The following DPYD variants were observed in gnomAD, a reference collection of about 807,000 sequenced individuals.
DPYD encodes dihydropyrimidine dehydrogenase [NADP(+)].
DPYD carries 109 observed loss-of-function variants against 116.2 expected under a neutral mutation model. The observed-to-expected ratio is 0.94, with a 90% CI of 0.80 to 1.10. The LOEUF (loss-of-function observed/expected upper bound fraction) is 1.10. DPYD is among the 50% of genes least tolerant of loss of function. The pLI is 0.00. For synonymous variants in DPYD, 440 were observed against 432.0 expected, an observed-to-expected ratio of 1.02 and a Z score of -0.23; for missense variants, 1,302 against 1,254.5, an observed-to-expected ratio of 1.04 and a Z score of -0.57.
chr1:97,117,948 T>C (rs1399094222), intron 20 of DPYD, among the ~76,000 whole-genome samples: 3 of 152,150 alleles, frequency 2.0e-5, no homozygotes, highest in African/African-American at 7.2e-5. Context: ...ATTACTCCTC[T>C]CTCTAGATTT....
At chr1:97,449,003 T>A (rs975743265) in intron 14 of DPYD, among the ~76,000 whole-genome samples, 5 of 152,128 alleles carry the variant, frequency 3.3e-5, no homozygotes, top group African/African-American at 1.2e-4. Context: ...GCATGTATTT[T>A]ATTTCAAAAT....
intron 16 of DPYD, among the ~76,000 whole-genome samples, chr1:97,326,780 A>G (rs368204906): frequency 6.6e-6 from 1 of 152,058 alleles, no homozygotes; most frequent in African/African-American, 2.4e-5. Context: ...ATATTTGCAA[A>G]CATATAGTCA....
In DPYD at chr1:97,388,787, T is replaced by C. The variant is rs556630267; in HGVS notation, c.1906-6326A>G. 4.6e-5 allele frequency among the ~76,000 whole-genome samples: 7 copies of C among 152,178 alleles called. No homozygotes were observed. In the South Asian group the frequency reaches 1.0e-3, roughly 23 times the overall value. ...CTGTACAAGATCACGGGAGGACTAA[T>C]GATGTTTTCTTAATGGACTATATTT... On this transcript the variant is annotated intron_variant, in intron 14 of 22. Transcript: ENST00000370192.
In DPYD at chr1:97,842,805, A is replaced by G. The variant is rs532620171; in HGVS notation, c.151-14609T>C. Among the ~76,000 whole-genome samples, 3 of 152,182 alleles carry G rather than the reference A, an allele frequency of 2.0e-5. No homozygotes were observed. In the South Asian group the frequency reaches 6.2e-4, roughly 32 times the overall value. Reference sequence around the variant, plus strand: ...ATAAAGTTATGAAGAGAAAATCTATATTGTTTAAAAGATCTCTAAAAAACA... The same window carrying G: ...ATAAAGTTATGAAGAGAAAATCTATGTTGTTTAAAAGATCTCTAAAAAACA... On this transcript the variant is annotated intron_variant, in intron 2 of 22. Transcript: ENST00000370192.
rs189257566 is a variant in DPYD, at chr1:97,597,032, C to T, written c.851-1866G>A. ...AGAAACAATTATATAAATGGGTGGCCGTTTATGTGATTCTTTTAGAAAACC... is the reference window on the plus strand; with the variant it reads ...AGAAACAATTATATAAATGGGTGGCTGTTTATGTGATTCTTTTAGAAAACC... On this transcript the variant is annotated intron_variant, in intron 8 of 22. Coordinates refer to ENST00000370192, the MANE Select transcript of DPYD (RefSeq NM_000110.4). 1.4e-4 allele frequency among the ~76,000 whole-genome samples: 22 copies of T among 151,962 alleles called. No homozygotes were observed. The East Asian group carries it at 1.9e-3, about 13-fold the overall frequency.
At chr1:97,599,096 T>G (rs1346177485) in intron 8 of DPYD, among the ~76,000 whole-genome samples, 1 of 152,234 alleles carries the variant, frequency 6.6e-6, no homozygotes, top group Non-Finnish European at 1.5e-5. Flanking sequence ...TCCAATCTAG[T>G]GACAGAGAAA....
At chr1:97,239,541 T>A (rs1557964047) in intron 18 of DPYD, among the ~76,000 whole-genome samples, 1 of 152,026 alleles carries the variant, frequency 6.6e-6, no homozygotes, top group Non-Finnish European at 1.5e-5. Context: ...AAACACCAGG[T>A]CTTATCATTG....
intron 3 of DPYD, among the ~76,000 whole-genome samples, chr1:97,815,076 G>T (rs1668526888): frequency 6.8e-6 from 1 of 147,934 alleles, no homozygotes; most frequent in East Asian, 2.1e-4. Context: ...AGAAAGAAAA[G>T]AGAAGAAAGA....
chr1:97,641,678 G>A (rs1346042953), intron 8 of DPYD, among the ~76,000 whole-genome samples: 1 of 152,126 alleles, frequency 6.6e-6, no homozygotes, highest in South Asian at 2.1e-4. Flanking sequence ...CATTCCCTTT[G>A]AAAACCAGTA....
intron 18 of DPYD, among the ~76,000 whole-genome samples, chr1:97,236,837 G>A (rs1661966746): frequency 1.3e-5 from 2 of 152,204 alleles, no homozygotes; most frequent in Admixed American, 1.3e-4. Context: ...GGGAGGTCAT[G>A]CATGTGTTGG....
Position 97,533,147 on chromosome 1 carries a change from C to G in DPYD, c.1524+16413G>C, listed in dbSNP as rs981219034. 2.0e-5 allele frequency among the ~76,000 whole-genome samples: 3 copies of G among 151,900 alleles called. No homozygotes were observed. In the South Asian group the frequency reaches 6.2e-4, roughly 32 times the overall value. ...CTGCCCCCATGATTCAATCACCCCCCACCATGCCGCACCTCCAGCACTGGG... is the reference window on the plus strand; with the variant it reads ...CTGCCCCCATGATTCAATCACCCCCGACCATGCCGCACCTCCAGCACTGGG... On this transcript the variant is annotated intron_variant, in intron 12 of 22. Coordinates refer to ENST00000370192, the MANE Select transcript of DPYD (RefSeq NM_000110.4).
intron 14 of DPYD, among the ~76,000 whole-genome samples, chr1:97,403,364 C>T (rs1189818009): frequency 6.6e-6 from 1 of 152,046 alleles, no homozygotes; most frequent in Non-Finnish European, 1.5e-5. Context: ...TCGGTATTCC[C>T]TCTGTTCCTG....
At chr1:97,636,399 G>A (rs182380857) in intron 8 of DPYD, among the ~76,000 whole-genome samples, 51 of 151,746 alleles carry the variant, frequency 3.4e-4, no homozygotes, top group Non-Finnish European at 4.1e-4. Context: ...GAGTCCTACC[G>A]CTTACAGCTG....
At chr1:97,418,731 T>C (rs1388584352) in intron 14 of DPYD, among the ~76,000 whole-genome samples, 1 of 152,162 alleles carries the variant, frequency 6.6e-6, no homozygotes, top group Non-Finnish European at 1.5e-5. Flanking sequence ...ACCTTCTCAG[T>C]GCAAAAATAC....
chr1:97,457,344 C>T (rs1441209891), intron 13 of DPYD, among the ~76,000 whole-genome samples: 1 of 152,078 alleles, frequency 6.6e-6, no homozygotes, highest in Non-Finnish European at 1.5e-5. Context: ...TCTTATACCA[C>T]AGAAATATGG....
intron 14 of DPYD, among the ~76,000 whole-genome samples, chr1:97,437,876 T>C (rs1675554598): frequency 1.3e-5 from 2 of 152,040 alleles, no homozygotes; most frequent in South Asian, 4.1e-4. Context: ...TTTAGGTCTA[T>C]GAGTATTTTA....
chr1:97,478,578 G>A (rs1236595264), intron 13 of DPYD, among the ~76,000 whole-genome samples: 3 of 152,158 alleles, frequency 2.0e-5, no homozygotes, highest in African/African-American at 4.8e-5. Flanking sequence ...GAGCCACCAC[G>A]CTCAGCCAAT....
Position 97,557,183 on chromosome 1 carries a change from G to A in DPYD, c.1340-7439C>T, listed in dbSNP as rs866893501. ...TGAGAAGTGTCTGTTCATGTCCTTC[G>A]CCCACTTTTTGATGGGGCTGTTTGT... is the stretch of plus-strand genomic sequence containing the variant. On this transcript the variant is annotated intron_variant, in intron 11 of 22. Transcript: ENST00000370192. 2.2e-3 allele frequency among the ~76,000 whole-genome samples: 340 copies of A among 151,534 alleles called. 2 individuals carry two copies. The highest frequency in any genetic ancestry group is 3.7e-3 in the African/African-American group (155 of 41,342).
intron 19 of DPYD, among the ~76,000 whole-genome samples, chr1:97,229,589 T>A (rs958105121): frequency 2.2e-5 from 3 of 136,394 alleles, no homozygotes; most frequent in African/African-American, 8.5e-5. Flanking sequence ...TATATATATA[T>A]ACTGATTTTA....
Sources: allele counts gnomAD v4.1 joint callset (sites outside exome capture counted in the v4.1 genomes callset), GRCh38; gene constraint gnomAD v4.1.1; transcripts MANE v1.5; gene names NCBI Gene and HGNC (gene_info 2026-07-23, HGNC 2026-07-21).